The following OR11A1 variants were observed in gnomAD, a reference collection of about 807,000 sequenced individuals.
The protein encoded by OR11A1 is olfactory receptor 11A1.
For synonymous variants in OR11A1, 158 were observed against 152.2 expected (o/e 1.04, Z -0.28); for missense variants, 380 against 378.2 (o/e 1.00, Z -0.04).
chr6:29,440,591 G>A (rs770246745), intron 1 of OR11A1: 2 of 1,613,914 alleles, frequency 1.2e-6, no homozygotes, highest in Non-Finnish European at 8.5e-7. Flanking sequence ...GAGACACCTC[G>A]CTTAATGAAC....
At chr6:29,429,097 T>C (rs3128851) in intron 3 of OR11A1, 137 bp from the exon 4 acceptor site, 101,747 of 157,462 alleles carry the variant, frequency 0.65, 33,217 homozygotes, top group Non-Finnish European at 0.69. Context: ...GATTAATAAA[T>C]ATACATTATA....
At chr6:29,433,285 C>T (rs914331460) in intron 1 of OR11A1, among the ~76,000 whole-genome samples, 1 of 152,164 alleles carries the variant, frequency 6.6e-6, no homozygotes, top group African/African-American at 2.4e-5. Flanking sequence ...TGAATTATCT[C>T]TCTTGTCTAA....
rs1022232678 is a variant in OR11A1, at chr6:29,453,567, G to A, written c.-389+3420C>T. Among the ~76,000 whole-genome samples the A allele has an allele frequency of 1.3e-5, 2 of 152,114 alleles. No homozygotes were observed. Among genetic ancestry groups the A allele is most frequent in the Non-Finnish European group, 2.9e-5 (2 of 68,002 alleles). On this transcript the variant is annotated intron_variant, in intron 1 of 4. Coordinates refer to ENST00000377149, the MANE Select transcript of OR11A1 (RefSeq NM_001394828.1). This position sits in a 1 kb window ranked among gnomAD's most constrained non-coding sequence, Gnocchi z 4.5. ...ACAAAGATAAAAACTCATGCCTAGGGTTTATGTCAGTAAAAGTAACAAACT... is the reference window on the plus strand; with the variant it reads ...ACAAAGATAAAAACTCATGCCTAGGATTTATGTCAGTAAAAGTAACAAACT...
At chr6:29,445,888 A>T (rs1784717348) in intron 1 of OR11A1, among the ~76,000 whole-genome samples, 1 of 152,070 alleles carries the variant, frequency 6.6e-6, no homozygotes, top group Admixed American at 6.5e-5. Flanking sequence ...AAAGAGTTGG[A>T]AGAGGAAATA....
intron 4 of OR11A1, among the ~76,000 whole-genome samples, 187 bp from the exon 5 acceptor site, chr6:29,427,919 T>G (rs1219724667): frequency 6.6e-6 from 1 of 152,170 alleles, no homozygotes; most frequent in Non-Finnish European, 1.5e-5. Context: ...TTTTAGTCTT[T>G]CAAAGACCTT....
Position 29,431,894 on chromosome 6 carries a change from G to A in OR11A1, c.-295C>T, listed in dbSNP as rs892977459. 1 of 985,352 alleles carries A rather than the reference G, an allele frequency of 1.0e-6. No individual in the cohort carries two copies. The allele number at this position is 985,352 out of a possible 1,614,324, so 61.0% of individuals were successfully genotyped here. A position where few individuals can be genotyped will look rare whatever the true frequency, so the allele number is the denominator to read the frequency against. ...ATATCGACCCTGTTCTCTAAAGACAGGACTGTGAGGAGGAGATGATCTGCT... is the reference window on the plus strand; with the variant it reads ...ATATCGACCCTGTTCTCTAAAGACAAGACTGTGAGGAGGAGATGATCTGCT... On this transcript the variant is annotated 5_prime_UTR_variant, in exon 2 of 5. Coordinates refer to ENST00000377149, the MANE Select transcript of OR11A1 (RefSeq NM_001394828.1).
rs191306732 is a variant in OR11A1 at position 29,451,323 on chromosome 6, A to G, written c.-389+5664T>C. Among the ~76,000 whole-genome samples, 131 of 152,352 alleles carry G rather than the reference A, an allele frequency of 8.6e-4. 1 individual carries two copies. Among genetic ancestry groups the G allele is most frequent in the Non-Finnish European group, 1.2e-3 (79 of 68,028 alleles). On this transcript the variant is annotated intron_variant, in intron 1 of 4. Coordinates refer to ENST00000377149, the MANE Select transcript of OR11A1 (RefSeq NM_001394828.1). ...ATTTCATGATAAAGTTGTCAAAAGT[A>G]ATGGAAACAAAAACAGAAATAGACA... is the stretch of plus-strand genomic sequence containing the variant.
At chr6:29,432,078 T>G in intron 1 of OR11A1, 91 bp from the exon 2 acceptor site, 1 of 842,148 alleles carries the variant, frequency 1.2e-6, no homozygotes, top group Non-Finnish European at 1.4e-6. Context: ...TCCCCTTTTC[T>G]AGCTCTCAGG....
intron 1 of OR11A1, among the ~76,000 whole-genome samples, chr6:29,451,850 G>A (rs750252616): frequency 5.9e-5 from 9 of 152,140 alleles, no homozygotes; most frequent in Non-Finnish European, 1.2e-4. Context: ...AAATATACAC[G>A]AAGGAATATA....
Position 29,427,517 on chromosome 6 carries a change from A to C in OR11A1, c.125T>G (p.Ile42Arg). ...TGCTACAATAATCAGCATATTCCCTATGATGATGAAGACATAGACAGCAGT... is the reference window on the plus strand; with the variant it reads ...TGCTACAATAATCAGCATATTCCCTCTGATGATGAAGACATAGACAGCAGT... ...VFTAVYVFII[I>R]GNMLIIVAVV... The change falls in exon 5 of 5, where the codon ATA (isoleucine) becomes AGA (arginine). Residue 42 changes from isoleucine to arginine, a missense_variant. Coordinates refer to ENST00000377149, the MANE Select transcript of OR11A1 (RefSeq NM_001394828.1). 6.2e-7 allele frequency: 1 copy of C among 1,613,064 alleles called. No individual in the cohort carries two copies. Among genetic ancestry groups the C allele is most frequent in the Non-Finnish European group, 8.5e-7 (1 of 1,179,990 alleles).
chr6:29,448,669 C>T (rs1046772334), intron 1 of OR11A1, among the ~76,000 whole-genome samples: 1 of 152,212 alleles, frequency 6.6e-6, no homozygotes, highest in Non-Finnish European at 1.5e-5. Context: ...CACTCAACTC[C>T]TCTAATGAAT....
At chr6:29,440,475 G>C in intron 1 of OR11A1, 1 of 1,613,938 alleles carries the variant, frequency 6.2e-7, no homozygotes, top group African/African-American at 1.3e-5. Context: ...TGGGGTGCTG[G>C]TGGGGCTGGG....
At chr6:29,439,959 A>G in intron 1 of OR11A1, 1 of 1,363,394 alleles carries the variant, frequency 7.3e-7, no homozygotes, top group Non-Finnish European at 1.0e-6. Context: ...ACGATTCCAT[A>G]GTTGTGATTT....
At position 29,436,557 on chromosome 6, in the gene OR11A1, G is replaced by C. The variant is rs143393667; in HGVS notation, c.-388-4570C>G. Among the ~76,000 whole-genome samples, 681 of 152,278 alleles carry C rather than the reference G, an allele frequency of 4.5e-3. 4 individuals carry two copies. Among genetic ancestry groups the C allele is most frequent in the African/African-American group, 7.8e-3 (325 of 41,572 alleles). ...TATTTATTGATCAGGTGACAAAAAT[G>C]TGACCAAAAACTCATAGGAATCTAA... On this transcript the variant is annotated intron_variant, in intron 1 of 4. Coordinates refer to ENST00000377149, the MANE Select transcript of OR11A1 (RefSeq NM_001394828.1).
intron 1 of OR11A1, among the ~76,000 whole-genome samples, chr6:29,452,635 C>T (rs1207132375): frequency 6.6e-6 from 1 of 152,038 alleles, no homozygotes; most frequent in African/African-American, 2.4e-5. Context: ...GAAAAAAAAT[C>T]TGCCAACTTA....
At chr6:29,446,734 GA>G (rs1784814364) in intron 1 of OR11A1, among the ~76,000 whole-genome samples, 1 of 152,078 alleles carries the variant, frequency 6.6e-6, no homozygotes, top group Non-Finnish European at 1.5e-5. Flanking sequence ...CAGCATGCCT[GA>G]AAAAAACATG....
chr6:29,449,149 T>C (rs1277503148), intron 1 of OR11A1, among the ~76,000 whole-genome samples: 2 of 152,114 alleles, frequency 1.3e-5, no homozygotes, highest in Non-Finnish European at 2.9e-5. Context: ...TCCAAACACA[T>C]AGAATATATA....
chr6:29,437,394 C>T (rs1381216874), intron 1 of OR11A1, among the ~76,000 whole-genome samples: 3 of 152,208 alleles, frequency 2.0e-5, no homozygotes, highest in Non-Finnish European at 4.4e-5. Context: ...TATTCTCCAG[C>T]ATAACCACAA....
intron 1 of OR11A1, among the ~76,000 whole-genome samples, chr6:29,434,042 T>C (rs1783455398): frequency 6.6e-6 from 1 of 152,204 alleles, no homozygotes; most frequent in Non-Finnish European, 1.5e-5. Context: ...TATTGATTTG[T>C]TTAAGTTCCT....
Sources: allele counts gnomAD v4.1 joint callset (sites outside exome capture counted in the v4.1 genomes callset), GRCh38; gene constraint gnomAD v4.1.1; non-coding constraint Gnocchi (gnomAD v3.1); transcripts MANE v1.5; gene names NCBI Gene and HGNC (gene_info 2026-07-23, HGNC 2026-07-21).